The following CPNE1 variants were observed in gnomAD, a reference collection of about 807,000 sequenced individuals.
CPNE1 encodes copine 1.
In CPNE1, 58 loss-of-function variants were observed where a neutral mutation model predicts 63.2. The observed-to-expected ratio is 0.92, with a 90% CI of 0.74 to 1.14. CPNE1 has a LOEUF of 1.14. Among genes scored for constraint, CPNE1 ranks in the 50% most tolerant of loss-of-function variants. The pLI is 0.00. For missense variants in CPNE1, 672 were observed against 661.7 expected (o/e 1.02, Z -0.17); for synonymous variants, 237 against 249.0 (o/e 0.95, Z 0.45).
intron 3 of CPNE1, 24 bp downstream of exon 3, chr20:35,632,493 A>T (rs2032220507): frequency 6.2e-7 from 1 of 1,612,142 alleles, no homozygotes; most frequent in African/African-American, 1.3e-5. Flanking sequence ...CATCTGAAGG[A>T]TCCTAATCCC....
At chr20:35,632,974 C>T (rs1244243546) in intron 1 of CPNE1, 51 bp from the exon 2 acceptor site, 1 of 840,502 alleles carries the variant, frequency 1.2e-6, no homozygotes, top group East Asian at 2.4e-5. Context: ...TCTCCCCTTC[C>T]CCGACTACAG....
Position 35,630,961 on chromosome 20 carries a change from C to G in CPNE1, c.935G>C (p.Gly312Ala), listed in dbSNP as rs375673393. ...CAGTGCCATCAGGTACTCATTGACC[C>G]CTGTTGGACTCAGGTAGTGTAGGGA... Reference protein sequence around the residue: ...PDSLHYLSPTGVNEYLMALWS... With the variant: ...PDSLHYLSPTAVNEYLMALWS... The change falls in exon 11 of 16, where the codon GGG becomes GCG. Residue 312 changes from glycine to alanine, a missense_variant. Transcript: ENST00000397443. 2 of 1,613,976 alleles carry G rather than the reference C, an allele frequency of 1.2e-6. No individual in the cohort carries two copies. The highest frequency in any genetic ancestry group is 1.7e-6 in the Non-Finnish European group (2 of 1,179,926).
chr20:35,647,704 T>C (rs2033211134), intron 1 of CPNE1, among the ~76,000 whole-genome samples: 1 of 151,954 alleles, frequency 6.6e-6, no homozygotes, highest in Non-Finnish European at 1.5e-5. Context: ...CTTTTGAGAC[T>C]CTAACACAAA....
At chr20:35,638,651 A>T (rs1436861065) in intron 1 of CPNE1, among the ~76,000 whole-genome samples, 1 of 152,230 alleles carries the variant, frequency 6.6e-6, no homozygotes, top group Non-Finnish European at 1.5e-5. Flanking sequence ...ATTTTTAGCC[A>T]AAAGAAATGG....
At chr20:35,660,693 T>A (rs1236623261) in intron 1 of CPNE1, among the ~76,000 whole-genome samples, 1 of 152,240 alleles carries the variant, frequency 6.6e-6, no homozygotes, top group African/African-American at 2.4e-5. Context: ...AGCAGCCACA[T>A]AACAGGGTAA....
intron 1 of CPNE1, among the ~76,000 whole-genome samples, chr20:35,637,581 C>T (rs1568918462): frequency 2.7e-5 from 4 of 147,938 alleles, no homozygotes; most frequent in Admixed American, 1.3e-4. Context: ...CTTTATGAAC[C>T]CTTGCCTGTT....
chr20:35,654,533 C>T (rs2033768600), intron 1 of CPNE1: 4 of 1,614,194 alleles, frequency 2.5e-6, no homozygotes, highest in African/African-American at 1.3e-5. Context: ...TTCATAGGTG[C>T]TCCAGAGCCA....
At chr20:35,648,221 T>C (rs1435568155) in intron 1 of CPNE1, among the ~76,000 whole-genome samples, 1 of 152,156 alleles carries the variant, frequency 6.6e-6, no homozygotes, top group Non-Finnish European at 1.5e-5. Context: ...GTCAAAATGA[T>C]CAGATTCTAT....
chr20:35,649,924 A>C (rs972925865), intron 1 of CPNE1: 9 of 152,490 alleles, frequency 5.9e-5, no homozygotes, highest in Admixed American at 1.3e-4. Context: ...AAGCTTTACA[A>C]ATCCTTCATA....
Position 35,630,922 on chromosome 20 carries a change from C to G in CPNE1, c.974G>C (p.Ser325Thr). ...EYLMALWSVG[S>T]VVQDYDSDKL... Reference sequence around the variant, plus strand: ...TCACGAGTCATAGTCCTGAACCACGCTGCCCACACTCCACAGTGCCATCAG... The same window carrying G: ...TCACGAGTCATAGTCCTGAACCACGGTGCCCACACTCCACAGTGCCATCAG... Residue 325 changes from serine to threonine, a missense_variant, in exon 11 of 16, where the codon AGC becomes ACC. Ser to Thr is a moderately conservative substitution (Grantham distance 58). Transcript: ENST00000397443. 6.2e-7 allele frequency: 1 copy of G among 1,610,678 alleles called. No individual in the cohort carries two copies.
At chr20:35,632,731 G>T in intron 2 of CPNE1, 35 bp from the exon 3 acceptor site, 1 of 882,428 alleles carries the variant, frequency 1.1e-6, no homozygotes, top group South Asian at 1.3e-5. Flanking sequence ...CACAGTCACA[G>T]CCTCCACCCC....
intron 1 of CPNE1, chr20:35,664,212 G>A (rs1174246978): frequency 6.6e-6 from 1 of 152,284 alleles, no homozygotes; most frequent in African/African-American, 2.4e-5. Context: ...GGCCGGTTGT[G>A]ACACTTCCTT....
intron 1 of CPNE1, among the ~76,000 whole-genome samples, chr20:35,637,692 CAG>C (rs1335320198): frequency 6.6e-6 from 1 of 152,198 alleles, no homozygotes; most frequent in Non-Finnish European, 1.5e-5. Flanking sequence ...ATTAGCCAAA[CAG>C]AAACCTGATC....
intron 1 of CPNE1, among the ~76,000 whole-genome samples, chr20:35,663,529 A>G (rs2034350354): frequency 6.6e-6 from 1 of 152,208 alleles, no homozygotes; most frequent in Non-Finnish European, 1.5e-5. Context: ...ATTATTGAAT[A>G]ATATAAAACG....
At chr20:35,637,597 C>CAAG (rs3838013) in intron 1 of CPNE1, among the ~76,000 whole-genome samples, 32,508 of 151,978 alleles carry the variant, frequency 0.21, 3,585 homozygotes, top group South Asian at 0.34. Flanking sequence ...CTGTTTTCCC[C>CAAG]AAGGATTTTC....
chr20:35,648,234 TA>T (rs951340799), intron 1 of CPNE1, among the ~76,000 whole-genome samples: 3 of 152,228 alleles, frequency 2.0e-5, no homozygotes, highest in African/African-American at 7.2e-5. Context: ...GATTCTATAC[TA>T]AAAAGATAAG....
At chr20:35,657,394 C>T (rs2033961671) in intron 1 of CPNE1, among the ~76,000 whole-genome samples, 1 of 152,152 alleles carries the variant, frequency 6.6e-6, no homozygotes, top group Non-Finnish European at 1.5e-5. Context: ...ATTTCCTGTT[C>T]AACTTCAAAA....
chr20:35,651,404 A>C (rs1601464361), intron 1 of CPNE1: 2 of 152,224 alleles, frequency 1.3e-5, no homozygotes, highest in African/African-American at 4.8e-5. Context: ...CAGGCTCCTG[A>C]TCGAACAACT....
chr20:35,632,924 CT>C lies in CPNE1; in HGVS notation c.1-2del, dbSNP rs1172698731. ...GAACCAAGGTCACGCAGTGGGCCAT[CT>C]GAGGGAAAAGGAGCTGGGTCAAGCA... On this transcript the variant is annotated splice_acceptor_variant, in intron 1 of 15. Coordinates refer to ENST00000397443, the MANE Select transcript of CPNE1 (RefSeq NM_152925.3). LOFTEE classifies it low-confidence loss of function (5UTR_SPLICE). 1 of 871,044 alleles carries C rather than the reference CT, an allele frequency of 1.1e-6. No homozygotes were observed. The highest frequency in any genetic ancestry group is 2.4e-5 in the East Asian group (1 of 41,714). 54.0% of individuals were successfully genotyped at this position (871,044 alleles called of 1,614,324 possible).
Sources: gnomAD v4.1 joint callset for allele counts (sites outside exome capture counted in the v4.1 genomes callset) on GRCh38, gnomAD v4.1.1 for gene constraint, MANE v1.5 for transcripts, NCBI Gene and HGNC (gene_info 2026-07-23, HGNC 2026-07-21) for gene names.